IGF1R: variants seen among roughly 807,000 people sequenced by gnomAD.
IGF1R encodes the protein insulin-like growth factor 1 receptor.
A neutral mutation model predicts 144.6 loss-of-function variants in IGF1R; 44 were observed. The ratio of observed to expected loss-of-function variants is 0.30; its 90% CI spans 0.24 to 0.39. The LOEUF (loss-of-function observed/expected upper bound fraction) is 0.39, where lower values mean the gene tolerates loss of function less well. Ranked by LOEUF, IGF1R falls within the 10% of genes least tolerant of loss-of-function variation. The probability of loss-of-function intolerance (pLI) is 1.00; values close to 1 mark genes in which losing one functional copy is unlikely to be tolerated. For synonymous variants in IGF1R, 795 were observed against 722.8 expected (o/e 1.10, Z -1.60); for missense variants, 1,355 against 1,833.7 (o/e 0.74, Z 4.77).
chr15:98,848,725 T>TC (rs1272408548), intron 2 of IGF1R, among the ~76,000 whole-genome samples: 12 of 152,024 alleles, frequency 7.9e-5, no homozygotes, highest in Non-Finnish European at 1.5e-4. Flanking sequence ...ACCCTTTGAT[T>TC]CCCCCCCATC....
intron 2 of IGF1R, among the ~76,000 whole-genome samples, chr15:98,826,983 C>T (rs930343818): frequency 1.3e-5 from 2 of 152,198 alleles, no homozygotes; most frequent in Admixed American, 1.3e-4. Flanking sequence ...TCATATCCCA[C>T]TAAACACTCT....
chr15:98,877,513 T>TTTC lies in IGF1R; in HGVS notation c.641-13812_641-13811insTTC, dbSNP rs773470156. Among the ~76,000 whole-genome samples, 647 of 111,352 alleles carry TTTC rather than the reference T, an allele frequency of 5.8e-3. 4 individuals are homozygous for TTTC. Among genetic ancestry groups the TTTC allele is most frequent in the East Asian group, 0.033 (96 of 2,924 alleles). The allele number at this position is 111,352 out of a possible 152,430, so 73.1% of individuals were successfully genotyped here. ...CCTTTTTTTTTTTTTTTTTTTTTTTTCCCCAAAAAATTTGCTACTCTTGAG... is the reference window on the plus strand; with the variant it reads ...CCTTTTTTTTTTTTTTTTTTTTTTTTTTCCCCCAAAAAATTTGCTACTCTTGAG... On this transcript the variant is annotated intron_variant, in intron 2 of 20. Coordinates refer to ENST00000650285, the MANE Select transcript of IGF1R (RefSeq NM_000875.5).
In IGF1R at chr15:98,964,127, G is replaced by A. The variant is rs1210873073; in HGVS notation, c.*6685G>A. On this transcript the variant is annotated 3_prime_UTR_variant, in exon 21 of 21. Coordinates refer to ENST00000650285, the MANE Select transcript of IGF1R (RefSeq NM_000875.5). Reference sequence around the variant, plus strand: ...TCTACCTCTGGGTATCCCTTTGTCTGGGATAAAAAAAATCAAACCAGAAGG... The same window carrying A: ...TCTACCTCTGGGTATCCCTTTGTCTAGGATAAAAAAAATCAAACCAGAAGG... 1 of 232,470 alleles carries A rather than the reference G, an allele frequency of 4.3e-6. No individual in the cohort carries two copies. Among genetic ancestry groups the A allele is most frequent in the Non-Finnish European group, 8.5e-6 (1 of 117,636 alleles). The allele number at this position is 232,470 out of a possible 1,614,324, so 14.4% of individuals were successfully genotyped here.
At chr15:98,944,520 A>G (rs978780306) in intron 19 of IGF1R, among the ~76,000 whole-genome samples, 3 of 152,240 alleles carry the variant, frequency 2.0e-5, no homozygotes, top group Admixed American at 6.5e-5. Flanking sequence ...GCGTTGGAGC[A>G]GGTTTCTCAG....
intron 2 of IGF1R, among the ~76,000 whole-genome samples, chr15:98,882,552 C>T (rs774241547): frequency 5.3e-5 from 8 of 152,228 alleles, no homozygotes; most frequent in Non-Finnish European, 1.0e-4. Context: ...TGCTTGTAAA[C>T]TGGGCCAGGT....
At chr15:98,877,248 A>G (rs1025236897) in intron 2 of IGF1R, among the ~76,000 whole-genome samples, 3 of 152,210 alleles carry the variant, frequency 2.0e-5, no homozygotes, top group African/African-American at 4.8e-5. Context: ...TAAAGGCACA[A>G]TGCTGTGTTT....
chr15:98,750,171 G>C (rs2054973935), intron 2 of IGF1R, among the ~76,000 whole-genome samples: 1 of 152,142 alleles, frequency 6.6e-6, no homozygotes, highest in African/African-American at 2.4e-5. Flanking sequence ...GAAGTCTAAG[G>C]TGCAGGCAGG....
chr15:98,692,945 G>A (rs1339907068), intron 1 of IGF1R, among the ~76,000 whole-genome samples: 3 of 152,138 alleles, frequency 2.0e-5, no homozygotes, highest in Admixed American at 6.5e-5. Context: ...GGGAGACCCT[G>A]GATCCTTAGT....
At chr15:98,655,113 C>G (rs745339799) in intron 1 of IGF1R, among the ~76,000 whole-genome samples, 9 of 151,976 alleles carry the variant, frequency 5.9e-5, no homozygotes, top group Non-Finnish European at 1.2e-4. Context: ...CCCCCATCCC[C>G]GAGGGTCTGG....
chr15:98,869,581 A>G (rs555472584), intron 2 of IGF1R, among the ~76,000 whole-genome samples: 1 of 152,178 alleles, frequency 6.6e-6, no homozygotes, highest in African/African-American at 2.4e-5. Flanking sequence ...GATTACAGGC[A>G]TGTGCCACCA....
intron 1 of IGF1R, among the ~76,000 whole-genome samples, chr15:98,682,262 T>G (rs539735160): frequency 2.2e-4 from 33 of 152,162 alleles, no homozygotes; most frequent in Non-Finnish European, 4.3e-4. Flanking sequence ...CAGGAGGAGC[T>G]GGGAAGGTAC....
Position 98,704,060 on chromosome 15 carries a change from C to CA in IGF1R, c.95-3501dup, listed in dbSNP as rs66495462. On this transcript the variant is annotated intron_variant, in intron 1 of 20. Coordinates refer to ENST00000650285, the MANE Select transcript of IGF1R (RefSeq NM_000875.5). The surrounding 1 kb of genome is among the most constrained non-coding windows in gnomAD (Gnocchi z 4.9). ...CGACACACAGTTAATTTAGTGTCCC[C>CA]AGGGGAAAAAAGACCCTCCCGGCCC... Among the ~76,000 whole-genome samples the CA allele has an allele frequency of 0.8, 117,572 of 147,778 alleles. 45,812 individuals carry two copies. Among genetic ancestry groups the CA allele is most frequent in the Middle Eastern group, 0.86 (246 of 286 alleles).
intron 1 of IGF1R, among the ~76,000 whole-genome samples, chr15:98,650,020 A>AC: frequency 1.3e-5 from 2 of 151,768 alleles, no homozygotes; most frequent in South Asian, 4.2e-4. Context: ...GGGCCCCGCG[A>AC]CCCGCACCTC....
At chr15:98,721,682 T>G (rs2054250377) in intron 2 of IGF1R, among the ~76,000 whole-genome samples, 1 of 152,224 alleles carries the variant, frequency 6.6e-6, no homozygotes, top group African/African-American at 2.4e-5. Context: ...CTTGCTCTGG[T>G]GCTGGCCCTG....
At position 98,778,216 on chromosome 15, in the gene IGF1R, C is replaced by T. The variant is rs533970821; in HGVS notation, c.640+70109C>T. ...AGATGCAAAGCCTGTACGTGGTCCT[C>T]GGAGTCATGCCACATGGTGACTGGT... On this transcript the variant is annotated intron_variant, in intron 2 of 20. Transcript: ENST00000650285. Among the ~76,000 whole-genome samples, 17 of 152,236 alleles carry T rather than the reference C, an allele frequency of 1.1e-4. No homozygotes were observed. In the South Asian group the frequency reaches 2.1e-3, roughly 19 times the overall value.
intron 9 of IGF1R, chr15:98,916,389 G>A: frequency 1.8e-6 from 1 of 554,990 alleles, no homozygotes; most frequent in Non-Finnish European, 3.2e-6. Context: ...AGCATTCCGA[G>A]TAGCTGGGAT....
At chr15:98,830,180 C>T (rs949837508) in intron 2 of IGF1R, among the ~76,000 whole-genome samples, 2 of 152,204 alleles carry the variant, frequency 1.3e-5, no homozygotes, top group African/African-American at 4.8e-5. Flanking sequence ...CCTGGACTGT[C>T]TTCTAGATTT....
At chr15:98,911,189 G>A in intron 6 of IGF1R, 126 bp from the exon 7 acceptor site, 1 of 1,032,756 alleles carries the variant, frequency 9.7e-7, no homozygotes, top group Non-Finnish European at 1.5e-6. Context: ...AGCCACTGAG[G>A]AAGCCCAGAA....
intron 2 of IGF1R, among the ~76,000 whole-genome samples, chr15:98,752,930 CTATTTT>C (rs139289369): frequency 0.55 from 71,781 of 129,948 alleles, 18,200 homozygotes; most frequent in Non-Finnish European, 0.57. Context: ...GAAAATCATA[CTATTTT>C]TTTTTTTTTT....
Sources: allele counts gnomAD v4.1 joint callset (sites outside exome capture counted in the v4.1 genomes callset), GRCh38; gene constraint gnomAD v4.1.1; non-coding constraint Gnocchi (gnomAD v3.1); transcripts MANE v1.5; gene names NCBI Gene and HGNC (gene_info 2026-07-23, HGNC 2026-07-21).